MRTFA: variants seen among roughly 807,000 people sequenced by gnomAD.
The protein encoded by MRTFA is myocardin-related transcription factor A.
A neutral mutation model predicts 83.5 loss-of-function variants in MRTFA; 20 were observed. The ratio of observed to expected loss-of-function variants is 0.24; its 90% CI spans 0.17 to 0.35. The LOEUF (loss-of-function observed/expected upper bound fraction) is 0.35, where lower values mean the gene tolerates loss of function less well. Ranked by LOEUF, MRTFA falls within the 10% of genes least tolerant of loss-of-function variation. The pLI is 1.00. For missense variants in MRTFA, 1,200 were observed against 1,224.7 expected (o/e 0.98, Z 0.30); for synonymous variants, 659 against 541.2 (o/e 1.22, Z -3.02).
chr22:40,627,004 A>C (rs2056590268), intron 1 of MRTFA, among the ~76,000 whole-genome samples: 1 of 152,144 alleles, frequency 6.6e-6, no homozygotes, highest in South Asian at 2.1e-4. Context: ...AAGTTCCTGT[A>C]AATTTTGTGG....
At chr22:40,542,889 A>T (rs1043191011) in intron 3 of MRTFA, among the ~76,000 whole-genome samples, 8 of 152,240 alleles carry the variant, frequency 5.3e-5, no homozygotes, top group African/African-American at 1.9e-4. Flanking sequence ...TAAACCATAT[A>T]CTAACAGTGA....
At chr22:40,420,618 C>A in intron 10 of MRTFA, 42 bp from the exon 11 acceptor site, 1 of 1,600,030 alleles carries the variant, frequency 6.2e-7, no homozygotes, top group South Asian at 1.1e-5. Context: ...CAGCTTCGCC[C>A]GTGGCCTCTG....
At chr22:40,453,481 G>C (rs1475598124) in intron 4 of MRTFA, among the ~76,000 whole-genome samples, 1 of 152,170 alleles carries the variant, frequency 6.6e-6, no homozygotes, top group African/African-American at 2.4e-5. Flanking sequence ...GTGGATCATA[G>C]CCAAACTTCT....
intron 2 of MRTFA, among the ~76,000 whole-genome samples, chr22:40,580,437 G>A (rs1024851863): frequency 4.1e-4 from 62 of 152,148 alleles, no homozygotes; most frequent in African/African-American, 1.4e-3. Context: ...AGCCTCAATC[G>A]ATCCTCCCAC....
At chr22:40,515,257 C>T (rs889021098) in intron 3 of MRTFA, among the ~76,000 whole-genome samples, 2 of 152,058 alleles carry the variant, frequency 1.3e-5, no homozygotes, top group East Asian at 3.9e-4. Context: ...TATGTTTACT[C>T]AGCATTTACT....
At chr22:40,618,185 C>T (rs1265123861) in intron 1 of MRTFA, among the ~76,000 whole-genome samples, 2 of 151,754 alleles carry the variant, frequency 1.3e-5, no homozygotes, top group Admixed American at 1.3e-4. Context: ...CGCCATTCTC[C>T]TGCCTCAGCC....
intron 2 of MRTFA, among the ~76,000 whole-genome samples, chr22:40,556,280 G>C (rs1169110746): frequency 6.6e-6 from 1 of 152,024 alleles, no homozygotes; most frequent in East Asian, 1.9e-4. Context: ...ACAAAATATT[G>C]AACAGCCATG....
chr22:40,523,394 C>G (rs1045767071), intron 3 of MRTFA: 1 of 152,126 alleles, frequency 6.6e-6, no homozygotes, highest in Admixed American at 6.5e-5. Context: ...AGCTGGAATA[C>G]CGTGGTGCAA....
At chr22:40,610,482 G>C (rs1408973631) in intron 1 of MRTFA, among the ~76,000 whole-genome samples, 1 of 152,094 alleles carries the variant, frequency 6.6e-6, no homozygotes, top group African/African-American at 2.4e-5. Context: ...GCTGCTGTAG[G>C]AACTGCCTCC....
At chr22:40,507,244 C>A (rs1001905533) in intron 3 of MRTFA, among the ~76,000 whole-genome samples, 5 of 152,050 alleles carry the variant, frequency 3.3e-5, no homozygotes, top group African/African-American at 1.2e-4. Context: ...ATCTGCAGTC[C>A]CAGCTACTTC....
At chr22:40,465,606 G>A (rs1325395770) in intron 3 of MRTFA, among the ~76,000 whole-genome samples, 1 of 152,162 alleles carries the variant, frequency 6.6e-6, no homozygotes, top group Non-Finnish European at 1.5e-5. Flanking sequence ...TGTCACCCAG[G>A]CTGGAGTGCA....
intron 4 of MRTFA, among the ~76,000 whole-genome samples, chr22:40,437,818 C>T (rs62239077): frequency 3.2e-3 from 486 of 151,780 alleles, no homozygotes; most frequent in Admixed American, 5.4e-3. Context: ...CTCTCAGTCT[C>T]CCACGTTTAC....
intron 1 of MRTFA, among the ~76,000 whole-genome samples, chr22:40,617,604 G>A (rs1325802175): frequency 2.6e-5 from 4 of 151,896 alleles, no homozygotes; most frequent in African/African-American, 7.3e-5. Flanking sequence ...GCGGGCGCCT[G>A]TAGTCCCAGC....
At chr22:40,457,473 A>AGAAAGAAAGGAAGAAG (rs1569275906) in intron 4 of MRTFA, among the ~76,000 whole-genome samples, 1 of 143,594 alleles carries the variant, frequency 7.0e-6, no homozygotes, top group Non-Finnish European at 1.5e-5. Flanking sequence ...AAAGAAAGAA[A>AGAAAGAAAGGAAGAAG]GAAAGAAAGA....
chr22:40,417,121 C>T, intron 13 of MRTFA, 75 bp from the exon 14 acceptor site: 3 of 1,484,826 alleles, frequency 2.0e-6, no homozygotes, highest in Non-Finnish European at 2.7e-6. Flanking sequence ...ACGAATGAGG[C>T]CCCTCCCTCT....
intron 1 of MRTFA, among the ~76,000 whole-genome samples, chr22:40,623,342 T>C (rs2147438673): frequency 6.6e-6 from 1 of 152,208 alleles, no homozygotes; most frequent in African/African-American, 2.4e-5. Context: ...ATTATTATAC[T>C]TAAGTTTTAG....
At chr22:40,506,045 A>T (rs1456419538) in intron 3 of MRTFA, among the ~76,000 whole-genome samples, 2 of 152,166 alleles carry the variant, frequency 1.3e-5, no homozygotes, top group Non-Finnish European at 2.9e-5. Flanking sequence ...CATCCTGGCT[A>T]ACACGGTGAA....
chr22:40,431,684 G>A (rs1455847388), intron 5 of MRTFA, among the ~76,000 whole-genome samples: 1 of 151,998 alleles, frequency 6.6e-6, no homozygotes, highest in African/African-American at 2.4e-5. Flanking sequence ...CCAAGGAAGG[G>A]CACCATCCTT....
chr22:40,585,512 A>G (rs2056015419), intron 2 of MRTFA, among the ~76,000 whole-genome samples: 1 of 152,214 alleles, frequency 6.6e-6, no homozygotes, highest in Non-Finnish European at 1.5e-5. Context: ...GCATAACATT[A>G]TGAATGTATA....
Sources: gnomAD v4.1 joint callset for allele counts (sites outside exome capture counted in the v4.1 genomes callset) on GRCh38, gnomAD v4.1.1 for gene constraint, MANE v1.5 for transcripts, NCBI Gene and HGNC (gene_info 2026-07-23, HGNC 2026-07-21) for gene names.